PLCH1: variants seen among roughly 807,000 people sequenced by gnomAD.
PLCH1 encodes the protein 1-phosphatidylinositol 4,5-bisphosphate phosphodiesterase eta-1.
PLCH1 carries 60 observed loss-of-function variants against 126.7 expected under a neutral mutation model. That is an observed-to-expected ratio of 0.47 (90% CI 0.38 to 0.59). The LOEUF (loss-of-function observed/expected upper bound fraction) is 0.59. PLCH1 is among the 20% of genes least tolerant of loss of function. The pLI is 0.00. For missense variants in PLCH1, 1,723 were observed against 2,040.0 expected (o/e 0.84, Z 2.99); for synonymous variants, 719 against 734.9 (o/e 0.98, Z 0.35).
chr3:155,693,871 A>C (rs954142480), intron 2 of PLCH1, among the ~76,000 whole-genome samples: 4 of 152,116 alleles, frequency 2.6e-5, no homozygotes. Context: ...CAGAGGTTGC[A>C]GTAAGCCAAG....
rs1716434226 is a variant in PLCH1 at position 155,492,807 on chromosome 3, T to C, written c.2229A>G (p.Lys743=). 2 of 1,604,552 alleles carry C rather than the reference T, an allele frequency of 1.2e-6. No individual in the cohort carries two copies. Among genetic ancestry groups the C allele is most frequent in the Admixed American group, 1.7e-5 (1 of 58,332 alleles). The change falls in exon 18 of 23, where the codon AAA becomes AAG. Residue 743 remains lysine, a synonymous_variant. Transcript: ENST00000460012. ...TGATAACTTTCAGGATGAGCTGCTT[T>C]TTGGGGTTGGCAGGAAGAGGGTCAC... ...FSGDPLPANP[K]KQLILKVISG... is the part of the protein sequence containing the mutation.
At chr3:155,641,025 G>A (rs575293515) in intron 2 of PLCH1, among the ~76,000 whole-genome samples, 8 of 152,112 alleles carry the variant, frequency 5.3e-5, no homozygotes, top group African/African-American at 1.7e-4. Context: ...CTACACTTCT[G>A]ATTATAAATG....
At position 155,601,005 on chromosome 3, in the gene PLCH1, C is replaced by T. The variant is rs150092071; in HGVS notation, c.80-4627G>A. Among the ~76,000 whole-genome samples the T allele has an allele frequency of 6.5e-3, 993 of 152,262 alleles. 16 individuals carry two copies. The highest frequency in any genetic ancestry group is 0.023 in the African/African-American group (936 of 41,554). On this transcript the variant is annotated intron_variant, in intron 2 of 22. Transcript: ENST00000460012. The stretch of plus-strand genomic sequence containing the variant: ...AGGTCTTTTTTTTTAGACGGAGTCT[C>T]GCTCTGTAGCCCAGGCTGGAGTGCA...
rs140233700 is a variant in PLCH1 at position 155,717,346 on chromosome 3, C to T, written c.-40-13082G>A. ...CTTCCCACAGTTCCACTAGGCAGTG[C>T]CCTGGTGGGGACAGTGTGTGGAAGC... On this transcript the variant is annotated intron_variant, in intron 1 of 22. Coordinates refer to ENST00000460012, the MANE Select transcript of PLCH1 (RefSeq NM_014996.4). Among the ~76,000 whole-genome samples the T allele has an allele frequency of 4.3e-3, 657 of 152,342 alleles. 4 individuals carry two copies. Among genetic ancestry groups the T allele is most frequent in the African/African-American group, 0.015 (616 of 41,572 alleles).
intron 2 of PLCH1, among the ~76,000 whole-genome samples, chr3:155,680,944 G>C (rs1744473145): frequency 6.6e-6 from 1 of 151,676 alleles, no homozygotes; most frequent in African/African-American, 2.4e-5. Flanking sequence ...AGTGAAAAAA[G>C]GAGGATACAA....
chr3:155,624,969 A>T (rs1356756087), intron 2 of PLCH1, among the ~76,000 whole-genome samples: 1 of 152,242 alleles, frequency 6.6e-6, no homozygotes, highest in East Asian at 1.9e-4. Context: ...AGCTGGAGGC[A>T]TCATGGTACC....
intron 9 of PLCH1, among the ~76,000 whole-genome samples, chr3:155,550,786 C>A (rs1560153079): frequency 6.6e-6 from 1 of 152,148 alleles, no homozygotes; most frequent in Non-Finnish European, 1.5e-5. Flanking sequence ...ATTTAAATCA[C>A]CTAATATATC....
At chr3:155,631,794 T>G (rs1404208115) in intron 2 of PLCH1, among the ~76,000 whole-genome samples, 1 of 152,146 alleles carries the variant, frequency 6.6e-6, no homozygotes, top group Non-Finnish European at 1.5e-5. Flanking sequence ...GCTATTCTAA[T>G]GATAGAGGAA....
At chr3:155,611,848 T>C (rs1252837000) in intron 2 of PLCH1, among the ~76,000 whole-genome samples, 3 of 152,206 alleles carry the variant, frequency 2.0e-5, no homozygotes, top group Non-Finnish European at 4.4e-5. Context: ...AATTGGAAAT[T>C]AACTCCAAAA....
intron 10 of PLCH1, among the ~76,000 whole-genome samples, chr3:155,530,161 A>G (rs1292569070): frequency 2.0e-5 from 3 of 152,244 alleles, no homozygotes; most frequent in African/African-American, 7.2e-5. Flanking sequence ...TTTTACCTAC[A>G]GTAGAACTTC....
At chr3:155,676,307 G>A in intron 2 of PLCH1, 2 of 1,135,796 alleles carry the variant, frequency 1.8e-6, no homozygotes, top group South Asian at 4.2e-5. Context: ...TAAGCACGCT[G>A]GAAGCATCTG....
intron 15 of PLCH1, among the ~76,000 whole-genome samples, chr3:155,496,313 A>G (rs1717023573): frequency 6.6e-6 from 1 of 152,326 alleles, no homozygotes; most frequent in South Asian, 2.1e-4. Flanking sequence ...ACTTAATGCA[A>G]TCATTCCCTG....
chr3:155,654,525 C>A (rs1229956452), intron 2 of PLCH1, among the ~76,000 whole-genome samples: 1 of 152,150 alleles, frequency 6.6e-6, no homozygotes, highest in Non-Finnish European at 1.5e-5. Flanking sequence ...CACACATAAA[C>A]CATTTTCTTC....
intron 2 of PLCH1, among the ~76,000 whole-genome samples, chr3:155,632,054 G>A (rs1278199496): frequency 6.6e-6 from 1 of 152,140 alleles, no homozygotes; most frequent in East Asian, 1.9e-4. Flanking sequence ...ACCTAAGCCA[G>A]TCTGGCCAGC....
chr3:155,551,986 C>T (rs1726207967), intron 9 of PLCH1, among the ~76,000 whole-genome samples: 2 of 152,150 alleles, frequency 1.3e-5, no homozygotes, highest in African/African-American at 4.8e-5. Context: ...ACCCATTTGG[C>T]TAGGACCTGT....
chr3:155,529,269 T>C (rs957991570), intron 10 of PLCH1, among the ~76,000 whole-genome samples: 37 of 152,230 alleles, frequency 2.4e-4, no homozygotes, highest in African/African-American at 8.7e-4. Flanking sequence ...TCAAGATATC[T>C]GGCTGCACAG....
At chr3:155,644,712 A>G (rs1163432203) in intron 2 of PLCH1, among the ~76,000 whole-genome samples, 1 of 152,234 alleles carries the variant, frequency 6.6e-6, no homozygotes, top group African/African-American at 2.4e-5. Flanking sequence ...CAAGAAAGGA[A>G]ATTCAAATAT....
intron 11 of PLCH1, among the ~76,000 whole-genome samples, chr3:155,515,974 G>A (rs1720252360): frequency 6.6e-6 from 1 of 152,142 alleles, no homozygotes; most frequent in Non-Finnish European, 1.5e-5. Flanking sequence ...AATCCTGTAA[G>A]AGCAAAGCAA....
intron 12 of PLCH1, among the ~76,000 whole-genome samples, chr3:155,511,971 T>G (rs2108219750): frequency 6.6e-6 from 1 of 152,126 alleles, no homozygotes; most frequent in African/African-American, 2.4e-5. Flanking sequence ...CCTTGCAGTT[T>G]GATCTCAGAC....
Sources: allele counts gnomAD v4.1 joint callset (sites outside exome capture counted in the v4.1 genomes callset), GRCh38; gene constraint gnomAD v4.1.1; transcripts MANE v1.5; gene names NCBI Gene and HGNC (gene_info 2026-07-23, HGNC 2026-07-21).